The following NTRK1 variants were observed in gnomAD, a reference collection of about 807,000 sequenced individuals.
The protein encoded by NTRK1 is high affinity nerve growth factor receptor.
NTRK1 carries 62 observed loss-of-function variants against 86.8 expected under a neutral mutation model. The ratio of observed to expected loss-of-function variants is 0.71; its 90% CI spans 0.58 to 0.88. NTRK1 has a LOEUF of 0.88. Ranked by LOEUF, NTRK1 falls within the 40% of genes least tolerant of loss-of-function variation. The pLI is 0.00. For synonymous variants in NTRK1, 469 were observed against 456.6 expected, an observed-to-expected ratio of 1.03 and a Z score of -0.35; for missense variants, 967 against 1,078.4, an observed-to-expected ratio of 0.90 and a Z score of 1.45.
At chr1:156,816,155 C>T (rs1319640104) in intron 1 of NTRK1, 2 of 1,538,170 alleles carry the variant, frequency 1.3e-6, no homozygotes, top group African/African-American at 1.4e-5. Context: ...GTCTCTGCCT[C>T]CCACCCCTCC....
In NTRK1 at chr1:156,881,706, A is replaced by G. The variant is rs1648279755; in HGVS notation, c.*64A>G. ...CTGGGGCCTGCCCTCAGCATCCCCC[A>G]TAGCTCCCAGCAGCCCCAGGGTGAT... On this transcript the variant is annotated 3_prime_UTR_variant, in exon 17 of 17. Transcript: ENST00000524377. 1.4e-6 allele frequency: 2 copies of G among 1,476,656 alleles called. No homozygotes were observed. Among genetic ancestry groups the G allele is most frequent in the Non-Finnish European group, 1.8e-6 (2 of 1,095,860 alleles). 91.5% of individuals were successfully genotyped at this position (1,476,656 alleles called of 1,614,324 possible).
intron 6 of NTRK1, among the ~76,000 whole-genome samples, chr1:156,869,443 C>G (rs138506453): frequency 3.3e-5 from 5 of 151,818 alleles, no homozygotes; most frequent in African/African-American, 9.7e-5. Context: ...GTACTGCATC[C>G]GGGATGAGTT....
intron 1 of NTRK1, chr1:156,840,670 C>G (rs891299502): frequency 1.7e-6 from 1 of 602,316 alleles, no homozygotes; most frequent in Non-Finnish European, 3.0e-6. Flanking sequence ...TGCTCTCCCC[C>G]GAGGGACTCA....
In NTRK1 at chr1:156,854,343, G is replaced by A; in HGVS notation, c.51-10011G>A. ...GGCACGCAGCATTGAGTACAGCCCA[G>A]GCCAAATTCCCCATCCAGCCCTGGC... On this transcript the variant is annotated intron_variant, in intron 2 of 16. Coordinates refer to the NTRK1 transcript ENST00000392302. This position sits in a 1 kb window ranked among gnomAD's most constrained non-coding sequence, Gnocchi z 4.2. 6.5e-7 allele frequency: 1 copy of A among 1,547,834 alleles called. No individual in the cohort carries two copies. Among genetic ancestry groups the A allele is most frequent in the Non-Finnish European group, 8.7e-7 (1 of 1,146,094 alleles).
chr1:156,845,601 C>T, intron 2 of NTRK1: 1 of 1,588,246 alleles, frequency 6.3e-7, no homozygotes, highest in Non-Finnish European at 8.6e-7. Flanking sequence ...CCTCCCAGGC[C>T]GCGCGCGCTC....
chr1:156,851,988 C>T, intron 2 of NTRK1: 1 of 1,611,170 alleles, frequency 6.2e-7, no homozygotes, highest in Non-Finnish European at 8.5e-7. Context: ...TGCAGGCTGG[C>T]ACAGCGCTCA....
At chr1:156,857,368 G>A (rs1362069044), upstream of NTRK1, among the ~76,000 whole-genome samples, 1 of 152,206 alleles carries the variant, frequency 6.6e-6, no homozygotes, top group African/African-American at 2.4e-5. Flanking sequence ...CCTCTCCAGG[G>A]CTCCCCTGAT....
rs55948542 is a variant in NTRK1, at chr1:156,881,619, G to A, written c.2368G>A (p.Val790Ile). ...GCAAGCCCTGGCCCAGGCACCTCCT[G>A]TCTACCTGGATGTCCTGGGCTAGGG... ...RLQALAQAPP[V>I]YLDVLG is the part of the protein sequence containing the mutation. Residue 790 changes from valine to isoleucine, a missense_variant, in exon 17 of 17, where the codon GTC (valine) becomes ATC (isoleucine). This residue lies in a region of NTRK1 where 637 missense variants were observed against 776.5 expected (regional missense o/e 0.82). Transcript: ENST00000524377. 87 of 1,609,612 alleles carry A rather than the reference G, an allele frequency of 5.4e-5. No individual in the cohort carries two copies. Among genetic ancestry groups the A allele is most frequent in the Non-Finnish European group, 7.1e-5 (84 of 1,178,514 alleles).
chr1:156,853,862 C>T (rs1655316265), intron 2 of NTRK1: 2 of 1,614,134 alleles, frequency 1.2e-6, no homozygotes, highest in East Asian at 4.5e-5. Context: ...CACGTCAGCA[C>T]ACTCCTCGCC....
At position 156,874,414 on chromosome 1, in the gene NTRK1, G is replaced by A. The variant is rs2102909056; in HGVS notation, c.1195+14G>A. 1.2e-6 allele frequency: 2 copies of A among 1,614,124 alleles called. No individual in the cohort carries two copies. The highest frequency in any genetic ancestry group is 1.7e-6 in the Non-Finnish European group (2 of 1,180,012). On this transcript the variant is annotated intron_variant, in intron 9 of 16. Transcript: ENST00000524377. ...TCTCGCCGGTGGGTGAGTAGCCCAA[G>A]GTGGAGGGCAGGTTCTGCCTGGTCT...
At position 156,881,590 on chromosome 1, in the gene NTRK1, G is replaced by C. The variant is rs35669708; in HGVS notation, c.2339G>C (p.Arg780Pro). ...QRHSIKDVHA[R>P]LQALAQAPPV... ...CACAGCATCAAGGATGTGCACGCCC[G>C]GCTGCAAGCCCTGGCCCAGGCACCT... The change falls in exon 17 of 17, where the codon CGG becomes CCG. Residue 780 changes from arginine (R) to proline (P), a missense_variant. By Grantham distance (103) the Arg-to-Pro change is moderately radical. Transcript: ENST00000524377. 1.2e-6 allele frequency: 2 copies of C among 1,611,392 alleles called. No individual in the cohort carries two copies. Among genetic ancestry groups the C allele is most frequent in the Non-Finnish European group, 1.7e-6 (2 of 1,179,154 alleles).
intron 12 of NTRK1, 137 bp downstream of exon 12, chr1:156,875,803 G>T: frequency 7.6e-7 from 1 of 1,310,764 alleles, no homozygotes; most frequent in Non-Finnish European, 1.1e-6. Flanking sequence ...TCCAGCCATA[G>T]GCCCTGTCAT....
rs1389672909 is a variant in NTRK1 at position 156,881,759 on chromosome 1, T to G, written c.*117T>G. On this transcript the variant is annotated 3_prime_UTR_variant, in exon 17 of 17. Coordinates refer to ENST00000524377, the MANE Select transcript of NTRK1 (RefSeq NM_002529.4). The stretch of plus-strand genomic sequence containing the variant: ...CAAAGTATCTAATTCACCCTCAGCA[T>G]GTGGGAAGGGACAGGTGGGGGCTGG... 1.1e-5 allele frequency: 12 copies of G among 1,070,060 alleles called. No homozygotes were observed. In the East Asian group the frequency reaches 3.2e-4, roughly 29 times the overall value. The allele number at this position is 1,070,060 out of a possible 1,614,324, so 66.3% of individuals were successfully genotyped here.
intron 2 of NTRK1, chr1:156,845,660 C>T (rs148229237): frequency 1.2e-6 from 2 of 1,610,320 alleles, no homozygotes; most frequent in East Asian, 2.2e-5. Flanking sequence ...TTTCAAACTT[C>T]TTCTGGAACG....
At chr1:156,858,759 C>T (rs1334288964), upstream of NTRK1, 1 of 697,874 alleles carries the variant, frequency 1.4e-6, no homozygotes, top group Non-Finnish European at 2.6e-6. Flanking sequence ...ACAAGGAATC[C>T]CACACAGAGA....
upstream of NTRK1, chr1:156,860,853 G>T (rs1198444671): frequency 7.3e-7 from 1 of 1,375,650 alleles, no homozygotes; most frequent in Non-Finnish European, 9.3e-7. Context: ...ACCGCCCAGC[G>T]CACATGTCGG....
chr1:156,844,752 G>T lies in NTRK1; in HGVS notation c.50+2559G>T, dbSNP rs745357645. 5 of 1,614,170 alleles carry T rather than the reference G, an allele frequency of 3.1e-6. No individual in the cohort carries two copies. In the Admixed American group the frequency reaches 6.7e-5, roughly 22 times the overall value. ...TGATTTCGTACTTGAGGATGAGTCC[G>T]TTGGGGTCTGGTGGCTCGAGCCAGC... On this transcript the variant is annotated intron_variant, in intron 2 of 16. Coordinates refer to the NTRK1 transcript ENST00000392302.
intron 1 of NTRK1, among the ~76,000 whole-genome samples, chr1:156,818,590 C>T (rs1249226366): frequency 6.6e-6 from 1 of 152,146 alleles, no homozygotes; most frequent in Non-Finnish European, 1.5e-5. Context: ...TTTTCCATTC[C>T]TGAGTTACTC....
intron 2 of NTRK1, chr1:156,848,839 T>A: frequency 6.7e-7 from 1 of 1,486,386 alleles, no homozygotes; most frequent in Non-Finnish European, 9.0e-7. Flanking sequence ...CTCGCTGAGC[T>A]CCGCCCTCAC....
Sources: allele counts gnomAD v4.1 joint callset (sites outside exome capture counted in the v4.1 genomes callset), GRCh38; gene constraint gnomAD v4.1.1; regional missense constraint gnomAD v4.1.1; non-coding constraint Gnocchi (gnomAD v3.1); transcripts MANE v1.5; gene names NCBI Gene and HGNC (gene_info 2026-07-23, HGNC 2026-07-21).